The following GRM5 variants were observed in gnomAD, a reference collection of about 807,000 sequenced individuals.
GRM5 encodes the protein metabotropic glutamate receptor 5.
Under a neutral mutation model 83.1 loss-of-function variants are expected in GRM5, and 19 were observed. That is an observed-to-expected ratio of 0.23 (90% CI 0.16 to 0.34). The LOEUF (loss-of-function observed/expected upper bound fraction) is 0.34, where lower values mean the gene tolerates loss of function less well. Among genes scored for constraint, GRM5 ranks in the 10% least tolerant of loss-of-function variants. The pLI, the probability that GRM5 is intolerant of heterozygous loss-of-function variation, is 1.00. For synonymous variants in GRM5, 675 were observed against 633.6 expected (o/e 1.07, Z -0.98); for missense variants, 1,160 against 1,588.3 (o/e 0.73, Z 4.58).
intron 2 of GRM5, among the ~76,000 whole-genome samples, chr11:88,871,773 T>C (rs1187286207): frequency 6.6e-6 from 1 of 151,534 alleles, no homozygotes; most frequent in Admixed American, 6.6e-5. Flanking sequence ...AAAAGGAATT[T>C]ATAGGTGTTG....
chr11:88,679,156 C>A (rs935575981), intron 3 of GRM5, among the ~76,000 whole-genome samples: 2 of 151,992 alleles, frequency 1.3e-5, no homozygotes, highest in Non-Finnish European at 2.9e-5. Context: ...GATGCAATTG[C>A]AAATTAAGTT....
intron 3 of GRM5, among the ~76,000 whole-genome samples, chr11:88,775,990 A>G (rs1942839726): frequency 6.6e-6 from 1 of 152,258 alleles, no homozygotes; most frequent in East Asian, 1.9e-4. Flanking sequence ...GGTCCTGGAT[A>G]TCCTTGTTAA....
At position 88,509,185 on chromosome 11, in the gene GRM5, G is replaced by A; in HGVS notation, c.3046C>T (p.Pro1016Ser). The A allele has an allele frequency of 6.5e-7, 1 of 1,534,298 alleles. No individual in the cohort carries two copies. The highest frequency in any genetic ancestry group is 8.7e-7 in the Non-Finnish European group (1 of 1,143,006). Residue 1016 changes from proline (P) to serine (S), a missense_variant, in exon 10 of 10, where the codon CCG becomes TCG. Pro to Ser is a moderately conservative substitution (Grantham distance 74, BLOSUM62 -1). Transcript: ENST00000305447. ...GTGCTGATGGGCGACGGTGAGCGCG[G>A]CCGCGCGGGCGCCGGGAAGTGCTCC... ...AEEHFPAPARPRSPSPISTLS... is the reference protein window; with the variant it reads ...AEEHFPAPARSRSPSPISTLS...
intron 3 of GRM5, among the ~76,000 whole-genome samples, chr11:88,787,131 ATGTGTG>A (rs57116541): frequency 0.11 from 16,045 of 143,292 alleles, 1,252 homozygotes; most frequent in East Asian, 0.24. Context: ...ATATGATATG[ATGTGTG>A]TGTGTGTGTG....
At chr11:88,931,339 A>C (rs1208602575) in intron 2 of GRM5, among the ~76,000 whole-genome samples, 4 of 152,144 alleles carry the variant, frequency 2.6e-5, no homozygotes, top group Non-Finnish European at 4.4e-5. Flanking sequence ...TACCACTTTA[A>C]GGAATATGCA....
intron 3 of GRM5, among the ~76,000 whole-genome samples, chr11:88,770,099 C>T (rs1216811471): frequency 6.6e-6 from 1 of 152,020 alleles, no homozygotes; most frequent in East Asian, 1.9e-4. Flanking sequence ...CTAATTTACC[C>T]ATGAGACAAA....
intron 3 of GRM5, among the ~76,000 whole-genome samples, chr11:88,685,631 G>T (rs1940603075): frequency 6.6e-6 from 1 of 152,118 alleles, no homozygotes; most frequent in South Asian, 2.1e-4. Context: ...GTAGTTTCCT[G>T]GGCCTGGCCC....
rs974670338 is a variant in GRM5 at position 88,845,724 on chromosome 11, CG to C, written c.911+4181del. 1.4e-3 allele frequency among the ~76,000 whole-genome samples: 132 copies of C among 91,906 alleles called. 7 individuals carry two copies. Among genetic ancestry groups the C allele is most frequent in the African/African-American group, 5.2e-3 (120 of 22,884 alleles). 60.3% of individuals were successfully genotyped at this position (91,906 alleles called of 152,430 possible). A position where few individuals can be genotyped will look rare whatever the true frequency, so the allele number is the denominator to read the frequency against. ...CTGGGATTACAGGCATGAACCACCGCGCCCCCCCCCACTTTTTATATGAATT... is the reference window on the plus strand; with the variant it reads ...CTGGGATTACAGGCATGAACCACCGCCCCCCCCCCACTTTTTATATGAATT... On this transcript the variant is annotated intron_variant, in intron 3 of 9. Coordinates refer to ENST00000305447, the MANE Select transcript of GRM5 (RefSeq NM_001143831.3).
intron 2 of GRM5, among the ~76,000 whole-genome samples, chr11:88,877,502 C>A (rs1341934507): frequency 6.6e-6 from 1 of 151,828 alleles, no homozygotes; most frequent in Non-Finnish European, 1.5e-5. Context: ...ATTATTAAGG[C>A]AGTTTATCAT....
chr11:88,710,882 G>C (rs538774861), intron 3 of GRM5, among the ~76,000 whole-genome samples: 66 of 152,126 alleles, frequency 4.3e-4, no homozygotes, highest in African/African-American at 1.5e-3. Flanking sequence ...AAATGAATTA[G>C]AAAAATTAGA....
intron 2 of GRM5, among the ~76,000 whole-genome samples, chr11:88,991,750 C>T (rs1461055161): frequency 6.6e-6 from 1 of 152,008 alleles, no homozygotes; most frequent in Non-Finnish European, 1.5e-5. Context: ...CTGACAAAAA[C>T]AAGAAATGGG....
intron 4 of GRM5, among the ~76,000 whole-genome samples, chr11:88,637,540 A>C (rs1311913823): frequency 6.6e-6 from 1 of 151,658 alleles, no homozygotes; most frequent in Non-Finnish European, 1.5e-5. Flanking sequence ...TGCAGCCAAA[A>C]AACACATGAA....
At chr11:88,836,683 T>G (rs1944100664) in intron 3 of GRM5, among the ~76,000 whole-genome samples, 1 of 152,080 alleles carries the variant, frequency 6.6e-6, no homozygotes, top group South Asian at 2.1e-4. Context: ...TAATCACAGC[T>G]ACTTGGGAGG....
At chr11:88,969,045 G>A (rs530548712) in intron 2 of GRM5, among the ~76,000 whole-genome samples, 30 of 152,062 alleles carry the variant, frequency 2.0e-4, no homozygotes, top group Admixed American at 4.6e-4. Context: ...ATAGACAGGA[G>A]GAAATAAGGG....
chr11:88,980,104 G>T (rs1441983873), intron 2 of GRM5, among the ~76,000 whole-genome samples: 1 of 152,162 alleles, frequency 6.6e-6, no homozygotes, highest in African/African-American at 2.4e-5. Context: ...GTTGGATTTT[G>T]CAGACTTCTA....
rs114704796 is a variant in GRM5 at position 88,695,582 on chromosome 11, C to A, written c.912-42179G>T. On this transcript the variant is annotated intron_variant, in intron 3 of 9. Transcript: ENST00000305447. ...CAAAGAAACATTCATATGAGTCTAA[C>A]AAGATGACTTAGATTAAATTCACTT... 9.2e-3 allele frequency among the ~76,000 whole-genome samples: 1,405 copies of A among 152,312 alleles called. 21 individuals carry two copies. Among genetic ancestry groups the A allele is most frequent in the African/African-American group, 0.031 (1,309 of 41,574 alleles).
At chr11:88,717,923 A>C (rs975285060) in intron 3 of GRM5, among the ~76,000 whole-genome samples, 1 of 151,888 alleles carries the variant, frequency 6.6e-6, no homozygotes, top group Non-Finnish European at 1.5e-5. Flanking sequence ...CTATTAATGT[A>C]GTAGGATTAT....
chr11:88,861,578 A>G (rs1212246578), intron 2 of GRM5, among the ~76,000 whole-genome samples: 1 of 151,728 alleles, frequency 6.6e-6, no homozygotes, highest in East Asian at 1.9e-4. Context: ...TGATCCTCCC[A>G]CCTCAGCCTC....
At chr11:88,756,147 T>TAACA (rs1264128266) in intron 3 of GRM5, among the ~76,000 whole-genome samples, 6 of 152,206 alleles carry the variant, frequency 3.9e-5, no homozygotes, top group African/African-American at 1.4e-4. Context: ...TTTAGCATTC[T>TAACA]AACAGTCTGA....
Sources: gnomAD v4.1 joint callset for allele counts (sites outside exome capture counted in the v4.1 genomes callset) on GRCh38, gnomAD v4.1.1 for gene constraint, MANE v1.5 for transcripts, NCBI Gene and HGNC (gene_info 2026-07-23, HGNC 2026-07-21) for gene names.